NDST4: variants seen among roughly 807,000 people sequenced by gnomAD.
NDST4 encodes the protein N-deacetylase and N-sulfotransferase 4, also known as N-heparan sulfate sulfotransferase 4.
Under a neutral mutation model 100.8 loss-of-function variants are expected in NDST4, and 63 were observed. The observed-to-expected ratio is 0.62, with a 90% CI of 0.51 to 0.77. The LOEUF is 0.77. Ranked by LOEUF, NDST4 falls within the 30% of genes least tolerant of loss-of-function variation. The probability of loss-of-function intolerance (pLI) is 0.00; values close to 1 mark genes in which losing one functional copy is unlikely to be tolerated. For synonymous variants in NDST4, 377 were observed against 361.8 expected (o/e 1.04, Z -0.48); for missense variants, 943 against 1,018.4 (o/e 0.93, Z 1.01).
rs151291215 is a variant in NDST4, at chr4:115,021,852, C to T, written c.979-44578G>A. Among the ~76,000 whole-genome samples the T allele has an allele frequency of 9.7e-3, 1,452 of 150,452 alleles. 37 individuals are homozygous for T. Among genetic ancestry groups the T allele is most frequent in the African/African-American group, 0.033 (1,335 of 40,446 alleles). On this transcript the variant is annotated intron_variant, in intron 2 of 13. Transcript: ENST00000264363. ...CATCTATACACATTCCATATATATA[C>T]GTTCCACAGCTATACACATTCCATA...
chr4:114,845,921 A>C lies in NDST4; in HGVS notation c.2017T>G (p.Ser673Ala). Residue 673 changes from serine to alanine, a missense_variant, in exon 10 of 14, where the codon TCG (serine) becomes GCG (alanine). This residue lies in a region of NDST4 where 526 missense variants were observed against 634.1 expected (regional missense o/e 0.83). Coordinates refer to ENST00000264363, the MANE Select transcript of NDST4 (RefSeq NM_022569.3). ...GCGGCTCGTCTTGGAGCTTCTTCCG[A>C]ATGGAAGTAATTAGCACTCTTTTCA... ...LFEKSANYFH[S>A]EEAPRRAASL... 2 of 1,613,922 alleles carry C rather than the reference A, an allele frequency of 1.2e-6. No homozygotes were observed. Among genetic ancestry groups the C allele is most frequent in the East Asian group, 4.5e-5 (2 of 44,866 alleles).
At chr4:115,104,550 C>A (rs1237734904) in intron 1 of NDST4, among the ~76,000 whole-genome samples, 1 of 152,014 alleles carries the variant, frequency 6.6e-6, no homozygotes, top group Non-Finnish European at 1.5e-5. Flanking sequence ...CTTACTCCAG[C>A]GTGACAGAAA....
At chr4:114,839,082 A>G (rs1203071295) in intron 11 of NDST4, among the ~76,000 whole-genome samples, 1 of 152,204 alleles carries the variant, frequency 6.6e-6, no homozygotes, top group Admixed American at 6.5e-5. Context: ...ATGAGAACTT[A>G]TCACCTTGAA....
intron 6 of NDST4, among the ~76,000 whole-genome samples, chr4:114,916,224 T>C (rs955942394): frequency 6.6e-6 from 1 of 152,182 alleles, no homozygotes; most frequent in Non-Finnish European, 1.5e-5. Flanking sequence ...ATAGCTTGAA[T>C]ATTAAGAAAT....
chr4:114,927,284 A>G (rs1207846382), intron 6 of NDST4, among the ~76,000 whole-genome samples: 1 of 151,740 alleles, frequency 6.6e-6, no homozygotes, highest in Non-Finnish European at 1.5e-5. Flanking sequence ...TTAATTGTAT[A>G]AGAACATAGA....
chr4:114,923,744 T>A (rs1725333524), intron 6 of NDST4, among the ~76,000 whole-genome samples: 1 of 151,876 alleles, frequency 6.6e-6, no homozygotes, highest in East Asian at 1.9e-4. Context: ...AGAAAAAAGG[T>A]TTTATCTGCT....
chr4:114,864,321 T>C (rs1035022940), intron 7 of NDST4, among the ~76,000 whole-genome samples: 1 of 152,358 alleles, frequency 6.6e-6, no homozygotes, highest in Admixed American at 6.5e-5. Context: ...TCCCTTTTGG[T>C]ATTCCCCTGA....
intron 4 of NDST4, among the ~76,000 whole-genome samples, chr4:114,958,320 G>A (rs1403698346): frequency 6.6e-6 from 1 of 152,164 alleles, no homozygotes; most frequent in African/African-American, 2.4e-5. Flanking sequence ...GGGGCAAAAT[G>A]CCACCAGTCT....
At chr4:114,837,284 C>T (rs567274771) in intron 11 of NDST4, among the ~76,000 whole-genome samples, 8 of 152,102 alleles carry the variant, frequency 5.3e-5, no homozygotes, top group African/African-American at 1.4e-4. Flanking sequence ...AGGCTGATAA[C>T]CTTTGGATGG....
rs995427936 is a variant in NDST4 at position 115,065,042 on chromosome 4, T to C, written c.978+11017A>G. 5.3e-5 allele frequency among the ~76,000 whole-genome samples: 8 copies of C among 152,124 alleles called. No individual in the cohort carries two copies. The East Asian group carries it at 1.3e-3, about 26-fold the overall frequency. On this transcript the variant is annotated intron_variant, in intron 2 of 13. Transcript: ENST00000264363. ...GATTCTATACATTTTAATGAACACA[T>C]CCAGGCTGAAAACAATAGTGATGAC...
chr4:114,990,370 A>T lies in NDST4; in HGVS notation c.979-13096T>A, dbSNP rs549151177. Among the ~76,000 whole-genome samples the T allele has an allele frequency of 7.1e-4, 108 of 152,278 alleles. 1 individual carries two copies. The highest frequency in any genetic ancestry group is 5.8e-4 in the East Asian group (3 of 5,194). On this transcript the variant is annotated intron_variant, in intron 2 of 13. Transcript: ENST00000264363. ...TTAATATTATAAAAATTCACAAAGT[A>T]TTCAAATTTATGGATACAACATTCT...
At chr4:115,112,785 G>T (rs1729980795) in intron 1 of NDST4, among the ~76,000 whole-genome samples, 1 of 151,896 alleles carries the variant, frequency 6.6e-6, no homozygotes, top group Non-Finnish European at 1.5e-5. Flanking sequence ...ATACCATAAA[G>T]CTTTCTGTCC....
At chr4:115,064,135 A>C (rs1235354318) in intron 2 of NDST4, among the ~76,000 whole-genome samples, 3 of 152,058 alleles carry the variant, frequency 2.0e-5, no homozygotes, top group Non-Finnish European at 2.9e-5. Flanking sequence ...TATTCTGAGC[A>C]GAAAATCTTC....
intron 2 of NDST4, among the ~76,000 whole-genome samples, chr4:115,037,569 C>T (rs1216423270): frequency 1.3e-5 from 2 of 151,832 alleles, no homozygotes; most frequent in East Asian, 4.0e-4. Flanking sequence ...TATGTATCTA[C>T]CTTTCTTTCC....
chr4:114,953,020 CTTTTTTTTTTTCT>C (rs1726053140), intron 4 of NDST4, among the ~76,000 whole-genome samples: 1 of 135,936 alleles, frequency 7.4e-6, no homozygotes, highest in African/African-American at 2.8e-5. Flanking sequence ...CATTTTTTTT[CTTTTTTTTTTTCT>C]TTTTTTTTTT....
intron 4 of NDST4, among the ~76,000 whole-genome samples, chr4:114,959,248 A>G (rs983482038): frequency 6.6e-6 from 1 of 151,682 alleles, no homozygotes; most frequent in Non-Finnish European, 1.5e-5. Flanking sequence ...AGCTGTTCCA[A>G]CCTCTGCCTG....
chr4:114,899,613 C>G (rs537674876), intron 6 of NDST4, among the ~76,000 whole-genome samples: 1 of 151,700 alleles, frequency 6.6e-6, no homozygotes, highest in Non-Finnish European at 1.5e-5. Context: ...GATCTTTCTT[C>G]TTTAGCCTGT....
chr4:114,830,556 A>G (rs1266101214), intron 12 of NDST4, among the ~76,000 whole-genome samples: 1 of 152,344 alleles, frequency 6.6e-6, no homozygotes, highest in African/African-American at 2.4e-5. Flanking sequence ...TTTTGCTCAC[A>G]TAGCTGCACT....
intron 13 of NDST4, among the ~76,000 whole-genome samples, chr4:114,829,280 C>T (rs1007611377): frequency 3.3e-5 from 5 of 151,114 alleles, no homozygotes; most frequent in African/African-American, 4.9e-5. Context: ...TTTCTGGTTT[C>T]GTTTGTCATT....
Sources: allele counts gnomAD v4.1 joint callset (sites outside exome capture counted in the v4.1 genomes callset), GRCh38; gene constraint gnomAD v4.1.1; regional missense constraint gnomAD v4.1.1; transcripts MANE v1.5; gene names NCBI Gene and HGNC (gene_info 2026-07-23, HGNC 2026-07-21).